MTSS1: variants seen among roughly 807,000 people sequenced by gnomAD.
MTSS1 encodes protein MTSS 1.
Under a neutral mutation model 79.0 loss-of-function variants are expected in MTSS1, and 18 were observed. The observed-to-expected ratio is 0.23, with a 90% CI of 0.16 to 0.34. The LOEUF is 0.34. Among genes scored for constraint, MTSS1 ranks in the 10% least tolerant of loss-of-function variants. The pLI is 1.00. For synonymous variants in MTSS1, 341 were observed against 368.6 expected, an observed-to-expected ratio of 0.93 and a Z score of 0.86; for missense variants, 815 against 986.2, an observed-to-expected ratio of 0.83 and a Z score of 2.33.
At chr8:124,677,845 C>A (rs1344621363) in intron 3 of MTSS1, among the ~76,000 whole-genome samples, 2 of 152,076 alleles carry the variant, frequency 1.3e-5, no homozygotes, top group Non-Finnish European at 2.9e-5. Context: ...TGGCAGAGGA[C>A]CACAAATTTT....
At chr8:124,596,907 C>T (rs1346997091) in intron 3 of MTSS1, among the ~76,000 whole-genome samples, 1 of 152,234 alleles carries the variant, frequency 6.6e-6, no homozygotes, top group East Asian at 1.9e-4. Context: ...TTCCCTCTTC[C>T]TATAAAGACC....
At chr8:124,556,693 C>CCGGTGTAAGCTAAGGGGACCCA (rs1375397239) in intron 11 of MTSS1, 5 of 444,186 alleles carry the variant, frequency 1.1e-5, no homozygotes, top group Non-Finnish European at 2.0e-5. Context: ...TAACAGGTGA[C>CCGGTGTAAGCTAAGGGGACCCA]CGGTGTAAGC....
intron 3 of MTSS1, among the ~76,000 whole-genome samples, chr8:124,594,306 G>A (rs539608314): frequency 2.0e-5 from 3 of 152,234 alleles, no homozygotes; most frequent in South Asian, 4.1e-4. Context: ...TGAGGCGGGC[G>A]GATCACCTGA....
chr8:124,577,749 C>A (rs899960804), intron 6 of MTSS1: 1 of 445,192 alleles, frequency 2.2e-6, no homozygotes, highest in African/African-American at 2.0e-5. Context: ...ATCCCACCCT[C>A]TGCTCCTTGT....
chr8:124,562,024 G>T (rs1825446092), intron 10 of MTSS1, among the ~76,000 whole-genome samples: 1 of 152,142 alleles, frequency 6.6e-6, no homozygotes, highest in Non-Finnish European at 1.5e-5. Flanking sequence ...GGGGCTGTGG[G>T]GCACCCAGCA....
At chr8:124,708,098 T>C (rs766564168) in intron 1 of MTSS1, among the ~76,000 whole-genome samples, 17 of 152,086 alleles carry the variant, frequency 1.1e-4, no homozygotes, top group Admixed American at 3.3e-4. Context: ...TTATTGAACA[T>C]TGAAAGAATG....
intron 3 of MTSS1, among the ~76,000 whole-genome samples, chr8:124,644,627 T>C (rs79619326): frequency 0.029 from 4,367 of 152,328 alleles, 193 homozygotes; most frequent in African/African-American, 0.099. Flanking sequence ...TTACCTGCTC[T>C]CTCCACTTCA....
intron 3 of MTSS1, among the ~76,000 whole-genome samples, chr8:124,600,710 T>A (rs1357532109): frequency 1.3e-5 from 2 of 152,160 alleles, no homozygotes; most frequent in Admixed American, 1.3e-4. Flanking sequence ...TAATATCCAC[T>A]TTCTCTAAGG....
chr8:124,568,134 C>A, intron 7 of MTSS1: 1 of 681,154 alleles, frequency 1.5e-6, no homozygotes. Flanking sequence ...CTTTGAGAAC[C>A]ACCCTGCTGG....
intron 6 of MTSS1, among the ~76,000 whole-genome samples, chr8:124,574,596 T>C (rs1431575728): frequency 6.6e-6 from 1 of 152,168 alleles, no homozygotes; most frequent in African/African-American, 2.4e-5. Flanking sequence ...AAAAAGCCAG[T>C]GAAATGTGAT....
chr8:124,556,811 C>T (rs554349152), intron 11 of MTSS1, among the ~76,000 whole-genome samples: 19 of 152,252 alleles, frequency 1.2e-4, no homozygotes, highest in Non-Finnish European at 2.2e-4. Flanking sequence ...CACCAGCGAG[C>T]ACTAAAGCAA....
At chr8:124,590,058 T>C (rs1030845588) in intron 4 of MTSS1, among the ~76,000 whole-genome samples, 2 of 152,188 alleles carry the variant, frequency 1.3e-5, no homozygotes, top group African/African-American at 2.4e-5. Flanking sequence ...GTTTTCACCA[T>C]GTTGGCCAGG....
At chr8:124,596,852 C>T (rs1259741182) in intron 3 of MTSS1, among the ~76,000 whole-genome samples, 2 of 152,056 alleles carry the variant, frequency 1.3e-5, no homozygotes, top group Non-Finnish European at 2.9e-5. Flanking sequence ...GTCCATCTTC[C>T]CATAAGACAC....
rs1822943775 is a variant in MTSS1, at chr8:124,553,551, G to C, written c.1709C>G (p.Thr570Ser). The C allele has an allele frequency of 1.9e-6, 3 of 1,614,198 alleles. No homozygotes were observed. Among genetic ancestry groups the C allele is most frequent in the Non-Finnish European group, 2.5e-6 (3 of 1,180,028 alleles). Reference sequence around the variant, plus strand: ...TCCCAGGGTGGTGGGGAGGCCAGCAGTTGAGGCTGGACGCTTGGCTTGGAA... The same window carrying C: ...TCCCAGGGTGGTGGGGAGGCCAGCACTTGAGGCTGGACGCTTGGCTTGGAA... ...RMFQAKRPAS[T>S]AGLPTTLGPA... Residue 570 changes from threonine (T) to serine (S), a missense_variant, in exon 14 of 14, where the codon ACT becomes AGT. Thr to Ser is a moderately conservative substitution (Grantham distance 58, BLOSUM62 1). This residue lies in a region of MTSS1 where 590 missense variants were observed against 620.8 expected (regional missense o/e 0.95). Transcript: ENST00000518547. The surrounding 1 kb of genome is among the most constrained non-coding windows in gnomAD (Gnocchi z 6.0).
intron 1 of MTSS1, among the ~76,000 whole-genome samples, chr8:124,717,002 T>TAAAA (rs34043239): frequency 8.3e-5 from 11 of 132,394 alleles, no homozygotes; most frequent in African/African-American, 3.0e-4. Context: ...TTATAATTAG[T>TAAAA]AAAAAAAAAA....
chr8:124,639,542 T>C (rs1459629476), intron 3 of MTSS1, among the ~76,000 whole-genome samples: 1 of 152,116 alleles, frequency 6.6e-6, no homozygotes, highest in African/African-American at 2.4e-5. Flanking sequence ...AGTAGCACTA[T>C]CTTGGCTCAC....
At chr8:124,578,449 G>A (rs575294138) in intron 6 of MTSS1, among the ~76,000 whole-genome samples, 5 of 152,032 alleles carry the variant, frequency 3.3e-5, no homozygotes, top group African/African-American at 7.2e-5. Flanking sequence ...CTACCCCCAG[G>A]CTTAGTGAGG....
chr8:124,605,963 ATTTTTTT>A (rs35985246), intron 3 of MTSS1, among the ~76,000 whole-genome samples: 1 of 106,002 alleles, frequency 9.4e-6, no homozygotes, highest in Non-Finnish European at 1.8e-5. Context: ...TAGGTATCTC[ATTTTTTT>A]TTTTTTTTTT....
intron 3 of MTSS1, among the ~76,000 whole-genome samples, chr8:124,651,453 T>C (rs75741420): frequency 0.023 from 3,519 of 151,586 alleles, 152 homozygotes; most frequent in African/African-American, 0.079. Context: ...ACATGGTCTT[T>C]TTTTTTTTGG....
Sources: allele counts gnomAD v4.1 joint callset (sites outside exome capture counted in the v4.1 genomes callset), GRCh38; gene constraint gnomAD v4.1.1; regional missense constraint gnomAD v4.1.1; non-coding constraint Gnocchi (gnomAD v3.1); transcripts MANE v1.5; gene names NCBI Gene and HGNC (gene_info 2026-07-23, HGNC 2026-07-21).